Variants in MAGI3 observed in about 807,000 individuals in gnomAD.
MAGI3 encodes the protein membrane-associated guanylate kinase, WW and PDZ domain-containing protein 3.
In MAGI3, 43 loss-of-function variants were observed where a neutral mutation model predicts 121.8. The ratio of observed to expected loss-of-function variants is 0.35; its 90% CI spans 0.28 to 0.46. The LOEUF (loss-of-function observed/expected upper bound fraction) is 0.46. MAGI3 is among the 20% of genes least tolerant of loss of function. The probability of loss-of-function intolerance (pLI) is 1.00; values close to 1 mark genes in which losing one functional copy is unlikely to be tolerated. For synonymous variants in MAGI3, 553 were observed against 639.3 expected (o/e 0.86, Z 2.04); for missense variants, 1,547 against 1,797.3 (o/e 0.86, Z 2.52).
intron 1 of MAGI3, among the ~76,000 whole-genome samples, chr1:113,488,374 A>G (rs1656501287): frequency 6.6e-6 from 1 of 152,184 alleles, no homozygotes; most frequent in South Asian, 2.1e-4. Flanking sequence ...ACTCTGCAGG[A>G]TGGTCTTGCC....
At chr1:113,545,114 G>C (rs1430836832) in intron 1 of MAGI3, among the ~76,000 whole-genome samples, 1 of 151,312 alleles carries the variant, frequency 6.6e-6, no homozygotes, top group Non-Finnish European at 1.5e-5. Flanking sequence ...TGAGAATATG[G>C]GGTAAATACT....
rs1238092789 is a variant in MAGI3, at chr1:113,416,262, TA to T, written c.316+24915del. Among the ~76,000 whole-genome samples, 2 of 99,852 alleles carry T rather than the reference TA, an allele frequency of 2.0e-5. 1 individual carries two copies. Among genetic ancestry groups the T allele is most frequent in the Non-Finnish European group, 4.4e-5 (2 of 44,972 alleles). 65.5% of individuals were successfully genotyped at this position (99,852 alleles called of 152,430 possible). ...TAATTATGTAATTAATTACACATAT[TA>T]ATTATGTAATTAATTACACATATTA... On this transcript the variant is annotated intron_variant, in intron 1 of 20. Transcript: ENST00000307546.
intron 1 of MAGI3, among the ~76,000 whole-genome samples, chr1:113,433,687 A>C (rs1328596547): frequency 2.0e-5 from 3 of 152,210 alleles, no homozygotes; most frequent in Admixed American, 6.5e-5. Flanking sequence ...ATTTTGGAAA[A>C]TACAAACTCA....
At position 113,437,742 on chromosome 1, in the gene MAGI3, CTCT is replaced by C. The variant is rs369508446; in HGVS notation, c.316+46405_316+46407del. 1.7e-3 allele frequency among the ~76,000 whole-genome samples: 251 copies of C among 149,130 alleles called. 1 individual carries two copies. Among genetic ancestry groups the C allele is most frequent in the African/African-American group, 3.7e-3 (151 of 40,494 alleles). On this transcript the variant is annotated intron_variant, in intron 1 of 20. Transcript: ENST00000307546. ...CTTCTCCTTCTTTCTTCTTCCTTTCCTCTTCTTCTTCTTCATTTTTCTTTCTTC... is the reference window on the plus strand; with the variant it reads ...CTTCTCCTTCTTTCTTCTTCCTTTCCTCTTCTTCTTCATTTTTCTTTCTTC...
At chr1:113,665,058 AT>A (rs145294081) in intron 16 of MAGI3, among the ~76,000 whole-genome samples, 1,830 of 152,156 alleles carry the variant, frequency 0.012, 41 homozygotes, top group African/African-American at 0.041. Flanking sequence ...AAGATAAGTC[AT>A]TTTTTCCCCA....
intron 9 of MAGI3, among the ~76,000 whole-genome samples, chr1:113,623,498 T>A (rs1217414305): frequency 7.2e-5 from 3 of 41,724 alleles, no homozygotes; most frequent in African/African-American, 3.6e-4. Context: ...ATATATATAT[T>A]TTTTTTTGAG....
chr1:113,646,903 G>A (rs915629576), intron 12 of MAGI3, among the ~76,000 whole-genome samples: 15 of 152,010 alleles, frequency 9.9e-5, no homozygotes, highest in African/African-American at 3.6e-4. Context: ...CATAGGACCT[G>A]CACCCAAAAA....
chr1:113,401,118 A>T (rs1570618433), intron 1 of MAGI3, among the ~76,000 whole-genome samples: 2 of 152,142 alleles, frequency 1.3e-5, no homozygotes, highest in Non-Finnish European at 2.9e-5. Flanking sequence ...TCCTTTACAC[A>T]TGAGAAAATT....
chr1:113,646,312 C>A (rs1177897715), intron 11 of MAGI3, among the ~76,000 whole-genome samples, 174 bp from the exon 12 acceptor site: 1 of 151,890 alleles, frequency 6.6e-6, no homozygotes, highest in Non-Finnish European at 1.5e-5. Flanking sequence ...ATGTTTCAAC[C>A]AAATACACAT....
At chr1:113,604,769 A>G (rs1047369502) in intron 6 of MAGI3, among the ~76,000 whole-genome samples, 1 of 151,464 alleles carries the variant, frequency 6.6e-6, no homozygotes, top group East Asian at 1.9e-4. Flanking sequence ...GAGCTAAGCT[A>G]TGGGTACACA....
At chr1:113,424,027 C>T (rs1347738378) in intron 1 of MAGI3, among the ~76,000 whole-genome samples, 1 of 152,134 alleles carries the variant, frequency 6.6e-6, no homozygotes, top group East Asian at 1.9e-4. Flanking sequence ...GGGGGTTTCC[C>T]GCCCTGCAAG....
At chr1:113,614,791 G>A (rs1012845297) in intron 7 of MAGI3, 133 bp downstream of exon 7, 2 of 596,146 alleles carry the variant, frequency 3.4e-6, no homozygotes, top group Admixed American at 3.8e-5. Flanking sequence ...GAATGAAAAG[G>A]TAGGGGCAGT....
intron 6 of MAGI3, among the ~76,000 whole-genome samples, chr1:113,613,429 A>G (rs1320583125): frequency 1.3e-5 from 2 of 152,126 alleles, no homozygotes; most frequent in Non-Finnish European, 2.9e-5. Flanking sequence ...TTCTTTTCTT[A>G]TATTCTGAAT....
chr1:113,607,997 G>A (rs939720520), intron 6 of MAGI3, among the ~76,000 whole-genome samples: 3 of 151,800 alleles, frequency 2.0e-5, no homozygotes, highest in Non-Finnish European at 2.9e-5. Context: ...ATTATCCTTC[G>A]AAGCTCCAAT....
At chr1:113,431,074 C>T (rs1653275641) in intron 1 of MAGI3, among the ~76,000 whole-genome samples, 1 of 152,154 alleles carries the variant, frequency 6.6e-6, no homozygotes, top group South Asian at 2.1e-4. Context: ...GGGACATACA[C>T]AGACCTAGTA....
At chr1:113,392,312 C>A (rs1431039673) in intron 1 of MAGI3, among the ~76,000 whole-genome samples, 1 of 152,176 alleles carries the variant, frequency 6.6e-6, no homozygotes, top group African/African-American at 2.4e-5. Context: ...TTATTAGAAA[C>A]CAAACTGTTT....
At chr1:113,479,585 A>G (rs1410934546) in intron 1 of MAGI3, among the ~76,000 whole-genome samples, 1 of 152,186 alleles carries the variant, frequency 6.6e-6, no homozygotes, top group Admixed American at 6.5e-5. Context: ...AGATCTCTTT[A>G]TTATTAATCT....
intron 2 of MAGI3, among the ~76,000 whole-genome samples, chr1:113,563,465 G>T (rs1490540874): frequency 6.6e-6 from 1 of 151,966 alleles, no homozygotes; most frequent in Non-Finnish European, 1.5e-5. Context: ...TTTTCTTTTT[G>T]CTCCTGCTAT....
chr1:113,514,203 G>A (rs986772615), intron 1 of MAGI3, among the ~76,000 whole-genome samples: 6 of 152,196 alleles, frequency 3.9e-5, no homozygotes, highest in Non-Finnish European at 8.8e-5. Context: ...GAACCCTTGT[G>A]GAAGTCAGTG....
Sources: gnomAD v4.1 joint callset for allele counts (sites outside exome capture counted in the v4.1 genomes callset) on GRCh38, gnomAD v4.1.1 for gene constraint, MANE v1.5 for transcripts, NCBI Gene and HGNC (gene_info 2026-07-23, HGNC 2026-07-21) for gene names.